OAS1: variants seen among roughly 807,000 people sequenced by gnomAD.
The protein encoded by OAS1 is 2'-5'-oligoadenylate synthetase 1.
OAS1 carries 24 observed loss-of-function variants against 38.5 expected under a neutral mutation model. The ratio of observed to expected loss-of-function variants is 0.62; its 90% confidence interval spans 0.45 to 0.88. The LOEUF is 0.88. Among genes scored for constraint, OAS1 ranks in the 40% least tolerant of loss-of-function variants. OAS1 has a pLI of 0.00. For synonymous variants in OAS1, 169 were observed against 193.9 expected, an observed-to-expected ratio of 0.87 and a Z score of 1.07; for missense variants, 482 against 493.9, an observed-to-expected ratio of 0.98 and a Z score of 0.23.
downstream of OAS1, among the ~76,000 whole-genome samples, chr12:112,924,720 T>C (rs936215548): frequency 2.0e-5 from 3 of 152,186 alleles, no homozygotes; most frequent in Admixed American, 6.5e-5. Flanking sequence ...TATTTGGCTA[T>C]AGCATTATAG....
chr12:112,932,189 A>G, downstream of OAS1: 2 of 359,816 alleles, frequency 5.6e-6, no homozygotes, highest in Non-Finnish European at 9.9e-6. Flanking sequence ...TCATTAAAAA[A>G]TAAAATTTAA....
rs577752856 is a variant in OAS1, at chr12:112,917,922, G to A, written c.1038+222G>A. The A allele has an allele frequency of 4.9e-6, 7 of 1,440,788 alleles. No individual in the cohort carries two copies. The African/African-American group carries it at 8.6e-5, about 18-fold the overall frequency. The allele number at this position is 1,440,788 out of a possible 1,614,324, so 89.3% of individuals were successfully genotyped here. On this transcript the variant is annotated intron_variant, in intron 5 of 5. Transcript: ENST00000202917. Reference sequence around the variant, plus strand: ...TTGTCCAGAATTCATTCCCCTAAGAGTAATAATAAATAATCTCTAACACCA... The same window carrying A: ...TTGTCCAGAATTCATTCCCCTAAGAATAATAATAAATAATCTCTAACACCA...
At chr12:112,921,972 T>C (rs1278155348), downstream of OAS1, among the ~76,000 whole-genome samples, 1 of 152,122 alleles carries the variant, frequency 6.6e-6, no homozygotes, top group East Asian at 1.9e-4. Context: ...ACCAGGTCGG[T>C]CCATAGACAC....
At chr12:112,913,858 G>A (rs1275462991) in intron 3 of OAS1, among the ~76,000 whole-genome samples, 1 of 152,108 alleles carries the variant, frequency 6.6e-6, no homozygotes, top group Non-Finnish European at 1.5e-5. Flanking sequence ...ACAGATTCAT[G>A]TGTATACATA....
chr12:112,926,793 C>G (rs1004112380), intron 6 of OAS1, among the ~76,000 whole-genome samples: 1 of 152,148 alleles, frequency 6.6e-6, no homozygotes, highest in African/African-American at 2.4e-5. Flanking sequence ...TTTCCTAATC[C>G]TAGCAAGCCT....
chr12:112,929,763 T>C (rs2043586322), intron 6 of OAS1, among the ~76,000 whole-genome samples: 2 of 152,098 alleles, frequency 1.3e-5, no homozygotes, highest in Non-Finnish European at 1.5e-5. Flanking sequence ...TTTATGATAA[T>C]AAGGTGGAAG....
intron 3 of OAS1, among the ~76,000 whole-genome samples, chr12:112,913,620 A>G (rs369318448): frequency 2.0e-5 from 3 of 152,020 alleles, no homozygotes; most frequent in African/African-American, 2.4e-5. Flanking sequence ...CTCTTTAGCT[A>G]TATCTAATTT....
At position 112,908,821 on chromosome 12, in the gene OAS1, CT is replaced by C; in HGVS notation, c.467del (p.Leu156ArgfsTer4). ...EFDVLPAFDA[L>X]GQLTGGYKPN... ...CGATGTGCTGCCTGCCTTTGATGCC[CT>C]GGGTGAGAGCTCCCAGCTTCTTTTT... On this transcript the variant is annotated frameshift_variant and splice_region_variant, in exon 2 of 6. Transcript: ENST00000202917. LOFTEE classifies it high-confidence loss of function. 6.3e-7 allele frequency: 1 copy of C among 1,580,266 alleles called. No individual in the cohort carries two copies.
intron 3 of OAS1, among the ~76,000 whole-genome samples, chr12:112,915,282 A>C (rs983572075): frequency 6.6e-6 from 1 of 152,044 alleles, no homozygotes; most frequent in Non-Finnish European, 1.5e-5. Flanking sequence ...ATCGATTTTG[A>C]GTTGAATTTT....
At chr12:112,929,786 A>G (rs1216660968) in intron 6 of OAS1, among the ~76,000 whole-genome samples, 4 of 152,084 alleles carry the variant, frequency 2.6e-5, no homozygotes, top group Non-Finnish European at 5.9e-5. Flanking sequence ...GGCAAGGGGG[A>G]GATAAGCAAG....
downstream of OAS1, among the ~76,000 whole-genome samples, chr12:112,921,241 T>C (rs2043526712): frequency 6.6e-6 from 1 of 152,232 alleles, no homozygotes; most frequent in South Asian, 2.1e-4. Flanking sequence ...TTTCACCAGC[T>C]ATCTTGGCAC....
intron 2 of OAS1, among the ~76,000 whole-genome samples, chr12:112,909,809 C>G (rs763258339): frequency 8.5e-5 from 13 of 152,196 alleles, no homozygotes; most frequent in Non-Finnish European, 1.5e-4. Context: ...ACATCTGTCA[C>G]ACACCGCACA....
At chr12:112,924,363 T>C (rs1319132928), downstream of OAS1, among the ~76,000 whole-genome samples, 1 of 152,146 alleles carries the variant, frequency 6.6e-6, no homozygotes, top group African/African-American at 2.4e-5. Context: ...CCTTTTTATT[T>C]CTACATTAAT....
chr12:112,914,973 AT>A lies in OAS1; in HGVS notation c.655-1526del, dbSNP rs139815448. The stretch of plus-strand genomic sequence containing the variant: ...TGTCCTTAGCCCACTTTTTGATGAG[AT>A]TTTTTTTTTCTTGCTGATTCGTTTG... On this transcript the variant is annotated intron_variant, in intron 3 of 5. Transcript: ENST00000202917. Among the ~76,000 whole-genome samples the A allele has an allele frequency of 6.9e-3, 910 of 132,260 alleles. 9 individuals are homozygous for A. Among genetic ancestry groups the A allele is most frequent in the Middle Eastern group, 0.017 (4 of 236 alleles). The allele number at this position is 132,260 out of a possible 152,430, so 86.8% of individuals were successfully genotyped here. A position where few individuals can be genotyped will look rare whatever the true frequency, so the allele number is the denominator to read the frequency against.
chr12:112,916,478 AT>A, intron 3 of OAS1, 30 bp from the exon 4 acceptor site: 3 of 1,595,898 alleles, frequency 1.9e-6, no homozygotes, highest in Non-Finnish European at 2.6e-6. Flanking sequence ...GAGCAAACCA[AT>A]TTTTTTCTGA....
intron 3 of OAS1, among the ~76,000 whole-genome samples, 169 bp downstream of exon 3, chr12:112,911,404 C>A (rs1259975016): frequency 6.6e-6 from 1 of 151,740 alleles, no homozygotes; most frequent in Non-Finnish European, 1.5e-5. Context: ...GAGGAGCCTG[C>A]AACAGAAGGG....
intron 3 of OAS1, among the ~76,000 whole-genome samples, chr12:112,912,916 G>A (rs890078249): frequency 1.3e-5 from 2 of 152,126 alleles, no homozygotes; most frequent in East Asian, 3.8e-4. Context: ...CAAGTGCCTC[G>A]AAGTATTATT....
At chr12:112,918,048 A>C in intron 5 of OAS1, 1 of 666,378 alleles carries the variant, frequency 1.5e-6, no homozygotes, top group South Asian at 2.7e-5. Flanking sequence ...ATTTTTAAAA[A>C]TTTTTTATTA....
chr12:112,911,363 A>G lies in OAS1; in HGVS notation c.654+128A>G, dbSNP rs978376702. On this transcript the variant is annotated intron_variant, in intron 3 of 5. Coordinates refer to ENST00000202917, the MANE Select transcript of OAS1 (RefSeq NM_016816.4). ...GTGGTGGAGGGAAATAGAGGGATGG[A>G]AAAAGGAGAGAAAGGAAAAAGAGGT... 27 of 702,882 alleles carry G rather than the reference A, an allele frequency of 3.8e-5. 1 individual carries two copies. Among genetic ancestry groups the G allele is most frequent in the Non-Finnish European group, 2.9e-5 (13 of 447,774 alleles). The allele number at this position is 702,882 out of a possible 1,614,324, so 43.5% of individuals were successfully genotyped here.
Sources: gnomAD v4.1 joint callset for allele counts (sites outside exome capture counted in the v4.1 genomes callset) on GRCh38, gnomAD v4.1.1 for gene constraint, MANE v1.5 for transcripts, NCBI Gene and HGNC (gene_info 2026-07-23, HGNC 2026-07-21) for gene names.